The following SFMBT2 variants were observed in gnomAD, a reference collection of about 807,000 sequenced individuals.
SFMBT2 encodes the protein Scm like with four mbt domains 2.
In SFMBT2, 38 loss-of-function variants were observed where a neutral mutation model predicts 110.1. That is an observed-to-expected ratio of 0.35 (90% CI 0.27 to 0.45). The LOEUF (loss-of-function observed/expected upper bound fraction) is 0.45, where lower values mean the gene tolerates loss of function less well. Among genes scored for constraint, SFMBT2 ranks in the 20% least tolerant of loss-of-function variants. The pLI is 1.00. For synonymous variants in SFMBT2, 425 were observed against 425.4 expected, an observed-to-expected ratio of 1.00 and a Z score of 0.01; for missense variants, 1,011 against 1,094.9, an observed-to-expected ratio of 0.92 and a Z score of 1.08.
intron 4 of SFMBT2, among the ~76,000 whole-genome samples, chr10:7,344,857 G>A (rs981874135): frequency 4.0e-5 from 6 of 151,226 alleles, no homozygotes; most frequent in Non-Finnish European, 8.8e-5. Flanking sequence ...TACTTGGGAG[G>A]CTGAGGCAAG....
intron 11 of SFMBT2, among the ~76,000 whole-genome samples, chr10:7,210,017 T>C (rs986998527): frequency 6.6e-6 from 1 of 152,198 alleles, no homozygotes; most frequent in African/African-American, 2.4e-5. Context: ...AACATTTCCG[T>C]TTCTAAGAGA....
At chr10:7,208,493 T>C (rs61704303) in intron 11 of SFMBT2, among the ~76,000 whole-genome samples, 3,637 of 152,248 alleles carry the variant, frequency 0.024, 145 homozygotes, top group African/African-American at 0.083. Flanking sequence ...AAGACCAGCC[T>C]GCCCAATATG....
chr10:7,318,106 T>G (rs899918178), intron 4 of SFMBT2, among the ~76,000 whole-genome samples: 1 of 152,208 alleles, frequency 6.6e-6, no homozygotes, highest in Admixed American at 6.5e-5. Context: ...GAGCTGGTAC[T>G]TGTAGGTCTG....
chr10:7,309,758 C>T (rs1483181027), intron 4 of SFMBT2, among the ~76,000 whole-genome samples: 2 of 152,178 alleles, frequency 1.3e-5, no homozygotes, highest in South Asian at 2.1e-4. Flanking sequence ...AAATGTCCTA[C>T]GCATAGCCTC....
At chr10:7,247,937 C>T (rs781691431) in intron 8 of SFMBT2, among the ~76,000 whole-genome samples, 1 of 152,134 alleles carries the variant, frequency 6.6e-6, no homozygotes, top group Non-Finnish European at 1.5e-5. Context: ...TGGTTTTGAA[C>T]TCCTGGGCTC....
At chr10:7,329,338 C>G (rs1263116578) in intron 4 of SFMBT2, among the ~76,000 whole-genome samples, 1 of 152,246 alleles carries the variant, frequency 6.6e-6, no homozygotes, top group Non-Finnish European at 1.5e-5. Flanking sequence ...GGGCCCCTTC[C>G]TGCACGGAGG....
chr10:7,375,875 C>G (rs1845192239), intron 2 of SFMBT2, among the ~76,000 whole-genome samples: 1 of 151,990 alleles, frequency 6.6e-6, no homozygotes, highest in Admixed American at 6.6e-5. Flanking sequence ...TTGAGTCACA[C>G]AGGACCAGTT....
intron 4 of SFMBT2, among the ~76,000 whole-genome samples, chr10:7,288,855 C>T (rs989099080): frequency 5.1e-5 from 2 of 38,932 alleles, no homozygotes; most frequent in African/African-American, 1.1e-4. Context: ...ATGGTGAAAC[C>T]CCCCCCCCCA....
At chr10:7,376,712 A>AG (rs1163920119) in intron 2 of SFMBT2, among the ~76,000 whole-genome samples, 1 of 146,470 alleles carries the variant, frequency 6.8e-6, no homozygotes, top group Non-Finnish European at 1.5e-5. Flanking sequence ...AAAAAAAAAA[A>AG]AAAAGGCCCT....
chr10:7,356,541 A>G (rs517472), intron 4 of SFMBT2, among the ~76,000 whole-genome samples: 39,609 of 151,960 alleles, frequency 0.26, 6,928 homozygotes, highest in African/African-American at 0.49. Flanking sequence ...TCAGCCTCCC[A>G]AGTAGGGATT....
intron 4 of SFMBT2, among the ~76,000 whole-genome samples, chr10:7,298,265 C>T (rs759720135): frequency 6.6e-6 from 1 of 152,188 alleles, no homozygotes; most frequent in African/African-American, 2.4e-5. Context: ...CTTCGAGTCT[C>T]GCTCCAAACC....
chr10:7,210,156 T>C (rs1194330995), intron 11 of SFMBT2, among the ~76,000 whole-genome samples: 1 of 152,182 alleles, frequency 6.6e-6, no homozygotes, highest in African/African-American at 2.4e-5. Context: ...GTCTACCTGG[T>C]GCTCTCACTG....
At position 7,396,477 on chromosome 10, in the gene SFMBT2, C is replaced by T. The variant is rs565086308; in HGVS notation, c.-52+14384G>A. ...TAGAATCCGGCATCCCAAACAGACACAATCAGTTTCTTCCCCAATATTAGG... is the reference window on the plus strand; with the variant it reads ...TAGAATCCGGCATCCCAAACAGACATAATCAGTTTCTTCCCCAATATTAGG... On this transcript the variant is annotated intron_variant, in intron 1 of 20. Coordinates refer to ENST00000397167, the MANE Select transcript of SFMBT2 (RefSeq NM_001387889.1). 7.9e-5 allele frequency among the ~76,000 whole-genome samples: 12 copies of T among 152,320 alleles called. No individual in the cohort carries two copies. In the East Asian group the frequency reaches 2.1e-3, roughly 27 times the overall value.
intron 4 of SFMBT2, among the ~76,000 whole-genome samples, chr10:7,332,632 C>A (rs1843596436): frequency 6.6e-6 from 1 of 152,154 alleles, no homozygotes; most frequent in South Asian, 2.1e-4. Context: ...GAAAACAAGT[C>A]TACTGGGCCC....
intron 4 of SFMBT2, among the ~76,000 whole-genome samples, chr10:7,323,973 T>C (rs374081166): frequency 1.3e-5 from 2 of 152,228 alleles, no homozygotes; most frequent in African/African-American, 2.4e-5. Context: ...GAATTCTATA[T>C]GGCTATTTAA....
At chr10:7,396,275 A>G (rs1428189582) in intron 1 of SFMBT2, among the ~76,000 whole-genome samples, 1 of 152,244 alleles carries the variant, frequency 6.6e-6, no homozygotes, top group African/African-American at 2.4e-5. Context: ...GCTGACTGGT[A>G]TCTCTGAGCA....
At chr10:7,366,945 G>T (rs936406490) in intron 4 of SFMBT2, among the ~76,000 whole-genome samples, 1 of 152,108 alleles carries the variant, frequency 6.6e-6, no homozygotes, top group African/African-American at 2.4e-5. Context: ...TCCCCTGGGG[G>T]GTAAAACTGC....
At chr10:7,222,536 G>A (rs1174813618) in intron 10 of SFMBT2, among the ~76,000 whole-genome samples, 1 of 152,178 alleles carries the variant, frequency 6.6e-6, no homozygotes, top group Non-Finnish European at 1.5e-5. Flanking sequence ...GCCTCTGTGT[G>A]TATTTAGCAG....
At chr10:7,320,468 C>G (rs1226619013) in intron 4 of SFMBT2, 4 of 449,930 alleles carry the variant, frequency 8.9e-6, no homozygotes, top group Non-Finnish European at 1.2e-5. Context: ...TGAGCTTATC[C>G]TTTGAAATCT....
Sources: gnomAD v4.1 joint callset for allele counts (sites outside exome capture counted in the v4.1 genomes callset) on GRCh38, gnomAD v4.1.1 for gene constraint, MANE v1.5 for transcripts, NCBI Gene and HGNC (gene_info 2026-07-23, HGNC 2026-07-21) for gene names.